The following NSUN2 variants were observed in gnomAD, a reference collection of about 807,000 sequenced individuals.
NSUN2 encodes the protein NOP2/Sun RNA methyltransferase 2.
In NSUN2, 63 loss-of-function variants were observed where a neutral mutation model predicts 92.7. That is an observed-to-expected ratio of 0.68 (90% CI 0.56 to 0.84). The LOEUF is 0.84. Among genes scored for constraint, NSUN2 ranks in the 40% least tolerant of loss-of-function variants. The probability of loss-of-function intolerance (pLI) is 0.00; values close to 1 mark genes in which losing one functional copy is unlikely to be tolerated. For synonymous variants in NSUN2, 356 were observed against 348.3 expected, an observed-to-expected ratio of 1.02 and a Z score of -0.25; for missense variants, 989 against 964.9, an observed-to-expected ratio of 1.02 and a Z score of -0.33.
chr5:6,601,635 C>T (rs1461127033), intron 18 of NSUN2, among the ~76,000 whole-genome samples: 8 of 152,060 alleles, frequency 5.3e-5, no homozygotes, highest in Non-Finnish European at 1.0e-4. Flanking sequence ...GGGCCCGCCC[C>T]GACCCCCAGC....
chr5:6,618,137 G>A (rs1370550123), intron 7 of NSUN2, 113 bp from the exon 8 acceptor site: 2 of 671,676 alleles, frequency 3.0e-6, no homozygotes, highest in Non-Finnish European at 5.1e-6. Flanking sequence ...ATATCAGTTA[G>A]GAAACAATCT....
intron 3 of NSUN2, 47 bp downstream of exon 3, chr5:6,631,826 A>G (rs1399358468): frequency 3.8e-6 from 5 of 1,325,440 alleles, no homozygotes; most frequent in African/African-American, 1.5e-5. Flanking sequence ...AGTGATAGAG[A>G]TTAATATCCC....
intron 4 of NSUN2, among the ~76,000 whole-genome samples, chr5:6,624,482 C>T (rs73737150): frequency 0.012 from 1,779 of 152,324 alleles, 46 homozygotes; most frequent in African/African-American, 0.04. Flanking sequence ...CAAAACCTGG[C>T]TCTTCCAACC....
rs1736821248 is a variant in NSUN2, at chr5:6,607,385, C to G, written c.1324-1G>C. 1 of 1,608,376 alleles carries G rather than the reference C, an allele frequency of 6.2e-7. No individual in the cohort carries two copies. Among genetic ancestry groups the G allele is most frequent in the Non-Finnish European group, 8.5e-7 (1 of 1,176,312 alleles). On this transcript the variant is annotated splice_acceptor_variant, in intron 12 of 18. Coordinates refer to ENST00000264670, the MANE Select transcript of NSUN2 (RefSeq NM_017755.6). LOFTEE classifies it high-confidence loss of function. ...TGGTCTCTGCAGATTTACCCTGAAG[C>G]TGTCATAAAGAACAATTTCATTGAC... is the stretch of plus-strand genomic sequence containing the variant.
Position 6,599,702 on chromosome 5 carries a change from T to A in NSUN2, c.*224A>T. 2.0e-6 allele frequency: 1 copy of A among 508,164 alleles called. No homozygotes were observed. The highest frequency in any genetic ancestry group is 3.1e-5 in the East Asian group (1 of 32,622). The allele number at this position is 508,164 out of a possible 1,614,324, so 31.5% of individuals were successfully genotyped here. A position where few individuals can be genotyped will look rare whatever the true frequency, so the allele number is the denominator to read the frequency against. On this transcript the variant is annotated 3_prime_UTR_variant, in exon 19 of 19. Transcript: ENST00000264670. ...ACCCAGCTTGGCCAAAGAAACAAAA[T>A]AAAACAAGTGATTTCTAACACGCTA...
chr5:6,609,737 TC>T (rs1736912415), intron 12 of NSUN2, 88 bp downstream of exon 12: 1 of 985,370 alleles, frequency 1.0e-6, no homozygotes, highest in Non-Finnish European at 1.6e-6. Context: ...AGCTCCTCTT[TC>T]CTCTGTACTT....
chr5:6,616,385 G>A (rs566351451), intron 9 of NSUN2, among the ~76,000 whole-genome samples: 2 of 152,350 alleles, frequency 1.3e-5, no homozygotes, highest in African/African-American at 4.8e-5. Context: ...GCTGCAGTAA[G>A]TTAAATAAGC....
chr5:6,622,323 G>A (rs186408524), intron 5 of NSUN2, among the ~76,000 whole-genome samples: 144 of 152,316 alleles, frequency 9.5e-4, no homozygotes, highest in Admixed American at 8.5e-3. Context: ...GAATGAAACT[G>A]TAAGCCAGAG....
Position 6,600,340 on chromosome 5 carries a change from C to A in NSUN2, c.1998-108G>T, listed in dbSNP as rs1242496623. On this transcript the variant is annotated intron_variant, in intron 18 of 18. Transcript: ENST00000264670. ...AAAGAAAACCACAGAAAACCCATAC[C>A]CACAAAACCCCCAAAACTACTGGGA... is the stretch of plus-strand genomic sequence containing the variant. The A allele has an allele frequency of 7.0e-6, 7 of 996,814 alleles. No homozygotes were observed. In the East Asian group the frequency reaches 1.6e-4, roughly 22 times the overall value. The allele number at this position is 996,814 out of a possible 1,614,324, so 61.7% of individuals were successfully genotyped here. A position where few individuals can be genotyped will look rare whatever the true frequency, so the allele number is the denominator to read the frequency against.
intron 7 of NSUN2, among the ~76,000 whole-genome samples, chr5:6,619,250 T>C (rs1737337039): frequency 6.6e-6 from 1 of 152,236 alleles, no homozygotes; most frequent in Admixed American, 6.5e-5. Context: ...CACTCAGCTA[T>C]ATTCAGAGCC....
intron 4 of NSUN2, among the ~76,000 whole-genome samples, chr5:6,623,542 A>T (rs1737544297): frequency 6.6e-6 from 1 of 152,246 alleles, no homozygotes; most frequent in African/African-American, 2.4e-5. Flanking sequence ...CTTGAAGCTT[A>T]CAGAGCCCCA....
intron 9 of NSUN2, among the ~76,000 whole-genome samples, chr5:6,614,018 C>G (rs984218291): frequency 6.8e-6 from 1 of 146,870 alleles, no homozygotes; most frequent in Non-Finnish European, 1.5e-5. Context: ...AATCACTTAA[C>G]CCGGGAGATG....
chr5:6,601,631 G>GC (rs895630610), intron 18 of NSUN2, among the ~76,000 whole-genome samples: 1 of 151,886 alleles, frequency 6.6e-6, no homozygotes, highest in African/African-American at 2.4e-5. Context: ...GGCTGGGCCC[G>GC]CCCCGACCCC....
Position 6,607,374 on chromosome 5 carries a change from T to C in NSUN2, c.1334A>G (p.Lys445Arg). 1.9e-6 allele frequency: 3 copies of C among 1,612,668 alleles called. No homozygotes were observed. The highest frequency in any genetic ancestry group is 2.5e-6 in the Non-Finnish European group (3 of 1,179,014). The change falls in exon 13 of 19, where the codon AAA becomes AGA. Residue 445 changes from lysine (K) to arginine (R), a missense_variant. By Grantham distance (26) the Lys-to-Arg change is conservative (BLOSUM62 2). Around this residue, in one of 3 missense-constraint regions of NSUN2, gnomAD observed 626 missense variants for 602.3 expected, o/e 1.04. Transcript: ENST00000264670. ...TGTGCTTTCTCTGGTCTCTGCAGAT[T>C]TACCCTGAAGCTGTCATAAAGAACA... Reference protein sequence around the residue: ...WNKRQPKLQGKSAETRESTQL... With the variant: ...WNKRQPKLQGRSAETRESTQL...
At chr5:6,627,724 C>T (rs1219979445) in intron 3 of NSUN2, among the ~76,000 whole-genome samples, 1 of 152,152 alleles carries the variant, frequency 6.6e-6, no homozygotes, top group African/African-American at 2.4e-5. Context: ...ACAGCCTGGG[C>T]AACAAAGCGA....
At chr5:6,628,736 A>C (rs193298695) in intron 3 of NSUN2, among the ~76,000 whole-genome samples, 1 of 152,208 alleles carries the variant, frequency 6.6e-6, no homozygotes, top group Admixed American at 6.5e-5. Flanking sequence ...TGTTTAGAGA[A>C]TACAGCTGCC....
At chr5:6,604,901 T>C in intron 15 of NSUN2, 1 of 601,468 alleles carries the variant, frequency 1.7e-6, no homozygotes, top group South Asian at 2.0e-5. Flanking sequence ...GGCCCCCAAA[T>C]GGCCAAATTC....
At chr5:6,615,862 A>G (rs1022687570) in intron 9 of NSUN2, among the ~76,000 whole-genome samples, 4 of 152,280 alleles carry the variant, frequency 2.6e-5, no homozygotes, top group African/African-American at 7.2e-5. Flanking sequence ...GAAATATTTT[A>G]TATCAATACA....
chr5:6,605,003 C>T (rs565795624), intron 15 of NSUN2: 8 of 587,182 alleles, frequency 1.4e-5, no homozygotes, highest in African/African-American at 7.5e-5. Context: ...CCCAGGAGGG[C>T]GAGCTGTGAG....
Sources: allele counts gnomAD v4.1 joint callset (sites outside exome capture counted in the v4.1 genomes callset), GRCh38; gene constraint gnomAD v4.1.1; regional missense constraint gnomAD v4.1.1; transcripts MANE v1.5; gene names NCBI Gene and HGNC (gene_info 2026-07-23, HGNC 2026-07-21).